The following DLGAP2 variants were observed in gnomAD, a reference collection of about 807,000 sequenced individuals.
DLGAP2 encodes the protein disks large-associated protein 2.
Under a neutral mutation model 100.3 loss-of-function variants are expected in DLGAP2, and 26 were observed. The observed-to-expected ratio is 0.26, with a 90% CI of 0.19 to 0.36. The LOEUF is 0.36. DLGAP2 is among the 10% of genes least tolerant of loss of function. DLGAP2 has a pLI of 1.00. For missense variants in DLGAP2, 1,858 were observed against 1,453.2 expected, an observed-to-expected ratio of 1.28 and a Z score of -4.53; for synonymous variants, 886 against 630.1, an observed-to-expected ratio of 1.41 and a Z score of -6.08.
intron 3 of DLGAP2, among the ~76,000 whole-genome samples, chr8:1,298,975 C>G (rs559535083): frequency 6.6e-6 from 1 of 152,078 alleles, no homozygotes; most frequent in Non-Finnish European, 1.5e-5. Flanking sequence ...CTCAGTGGCT[C>G]GTGCTGAATG....
chr8:747,366 C>T (rs962313573), intron 1 of DLGAP2, among the ~76,000 whole-genome samples: 3 of 152,124 alleles, frequency 2.0e-5, no homozygotes, highest in East Asian at 2.0e-4. Context: ...TACCATGCTC[C>T]GCGCCAGTCA....
At chr8:1,294,383 G>C (rs761313899) in intron 3 of DLGAP2, among the ~76,000 whole-genome samples, 2 of 152,212 alleles carry the variant, frequency 1.3e-5, no homozygotes, top group African/African-American at 4.8e-5. Flanking sequence ...CGAGTGACTG[G>C]TGAGGTTGTT....
chr8:1,246,467 G>A (rs1036143113), intron 2 of DLGAP2, among the ~76,000 whole-genome samples: 3 of 152,158 alleles, frequency 2.0e-5, no homozygotes, highest in African/African-American at 7.2e-5. Context: ...TGTCTCCTCA[G>A]CCTCCTCTCA....
chr8:1,466,667 A>G (rs1301930441), intron 3 of DLGAP2, among the ~76,000 whole-genome samples: 1 of 152,102 alleles, frequency 6.6e-6, no homozygotes, highest in African/African-American at 2.4e-5. Context: ...AGCTGCTGCT[A>G]TTTCTGCTCA....
At chr8:1,672,227 A>AGT (rs1491339275) in intron 10 of DLGAP2, among the ~76,000 whole-genome samples, 1 of 117,498 alleles carries the variant, frequency 8.5e-6, no homozygotes. Flanking sequence ...TTTTATTTTT[A>AGT]ATTTTTTTTT....
chr8:831,325 C>T (rs894740590), intron 1 of DLGAP2, among the ~76,000 whole-genome samples: 14 of 150,920 alleles, frequency 9.3e-5, no homozygotes. Context: ...ATCAACTCGT[C>T]ATTTACATTA....
chr8:1,680,347 A>G (rs528476619), intron 12 of DLGAP2, among the ~76,000 whole-genome samples: 4 of 152,368 alleles, frequency 2.6e-5, no homozygotes, highest in Non-Finnish European at 4.4e-5. Context: ...AAGTGCAACA[A>G]TGAAACTACA....
chr8:1,443,353 C>A lies in DLGAP2; in HGVS notation c.107-58013C>A, dbSNP rs551479591. Among the ~76,000 whole-genome samples, 24 of 151,272 alleles carry A rather than the reference C, an allele frequency of 1.6e-4. 1 individual carries two copies. The South Asian group carries it at 4.8e-3, about 30-fold the overall frequency. On this transcript the variant is annotated intron_variant, in intron 3 of 14. Coordinates refer to ENST00000637795, the MANE Select transcript of DLGAP2 (RefSeq NM_001346810.2). Reference sequence around the variant, plus strand: ...TACTTCCAGCCTTCCCTCCACTGCCCAGAGATAATCGCGGGTAACATTTGG... The same window carrying A: ...TACTTCCAGCCTTCCCTCCACTGCCAAGAGATAATCGCGGGTAACATTTGG...
chr8:749,310 G>T (rs542168853), intron 1 of DLGAP2, among the ~76,000 whole-genome samples: 2 of 152,248 alleles, frequency 1.3e-5, no homozygotes, highest in South Asian at 4.2e-4. Context: ...TTTATTTCTG[G>T]TCTTTTTATC....
intron 2 of DLGAP2, among the ~76,000 whole-genome samples, chr8:1,187,896 C>T (rs1434647131): frequency 1.6e-5 from 2 of 128,282 alleles, no homozygotes; most frequent in Non-Finnish European, 1.5e-5. Context: ...TCTCACACGC[C>T]CGGGACCTCC....
intron 2 of DLGAP2, among the ~76,000 whole-genome samples, chr8:1,180,795 A>C (rs941266702): frequency 1.3e-5 from 2 of 151,804 alleles, no homozygotes; most frequent in African/African-American, 4.8e-5. Flanking sequence ...TGGGTGTGCA[A>C]GGGCAGTACA....
intron 3 of DLGAP2, among the ~76,000 whole-genome samples, chr8:1,460,598 A>C (rs976618491): frequency 1.3e-5 from 2 of 152,144 alleles, no homozygotes; most frequent in Non-Finnish European, 2.9e-5. Flanking sequence ...CAGGTTTTTC[A>C]TTGATAGAAT....
rs556256680 is a variant in DLGAP2, at chr8:1,193,415, G to T, written c.74-65436G>T. On this transcript the variant is annotated intron_variant, in intron 2 of 14. Coordinates refer to ENST00000637795, the MANE Select transcript of DLGAP2 (RefSeq NM_001346810.2). ...TTGTGGTTTTGATTTGCATTTGTCTGATGGCCAGTGATGATGAGCATTTTT... is the reference window on the plus strand; with the variant it reads ...TTGTGGTTTTGATTTGCATTTGTCTTATGGCCAGTGATGATGAGCATTTTT... 2.0e-5 allele frequency among the ~76,000 whole-genome samples: 3 copies of T among 152,288 alleles called. No individual in the cohort carries two copies. The South Asian group carries it at 6.2e-4, about 32-fold the overall frequency.
At chr8:1,503,939 A>T (rs114253749) in intron 4 of DLGAP2, among the ~76,000 whole-genome samples, 1,883 of 152,282 alleles carry the variant, frequency 0.012, 56 homozygotes, top group African/African-American at 0.043. Flanking sequence ...TGGTGAGCCC[A>T]GGGACCTGAA....
At chr8:976,052 A>G (rs1013078452) in intron 2 of DLGAP2, among the ~76,000 whole-genome samples, 1 of 152,236 alleles carries the variant, frequency 6.6e-6, no homozygotes, top group African/African-American at 2.4e-5. Flanking sequence ...TACACCAGCA[A>G]TAAAAAATTG....
At chr8:1,183,054 G>T (rs886610198) in intron 2 of DLGAP2, among the ~76,000 whole-genome samples, 1 of 152,190 alleles carries the variant, frequency 6.6e-6, no homozygotes, top group Non-Finnish European at 1.5e-5. Context: ...CCCAGCAGCG[G>T]GACCTACTGG....
intron 2 of DLGAP2, among the ~76,000 whole-genome samples, chr8:1,059,560 T>A (rs1435771859): frequency 2.6e-5 from 4 of 152,180 alleles, no homozygotes; most frequent in African/African-American, 9.6e-5. Context: ...CTCCCCTCCA[T>A]TAGGCTGTGA....
intron 2 of DLGAP2, among the ~76,000 whole-genome samples, chr8:1,154,267 G>T (rs1173721830): frequency 1.3e-5 from 2 of 152,158 alleles, no homozygotes. Flanking sequence ...ACTAATGTCA[G>T]GTTTGAAGAG....
At chr8:1,656,178 C>T (rs1349148995) in intron 8 of DLGAP2, among the ~76,000 whole-genome samples, 1 of 152,100 alleles carries the variant, frequency 6.6e-6, no homozygotes, top group East Asian at 1.9e-4. Flanking sequence ...ATAAAATTAG[C>T]CAGGCGTGGT....
Sources: gnomAD v4.1 joint callset for allele counts (sites outside exome capture counted in the v4.1 genomes callset) on GRCh38, gnomAD v4.1.1 for gene constraint, MANE v1.5 for transcripts, NCBI Gene and HGNC (gene_info 2026-07-23, HGNC 2026-07-21) for gene names.